Variants in SLF1 observed in about 807,000 individuals in gnomAD.
SLF1 encodes SMC5/6 complex localization factor 1.
In SLF1, 105 loss-of-function variants were observed where a neutral mutation model predicts 123.0. That is an observed-to-expected ratio of 0.85 (90% CI 0.73 to 1.00). The LOEUF (loss-of-function observed/expected upper bound fraction) is 1.00, where lower values mean the gene tolerates loss of function less well. SLF1 is among the 50% of genes least tolerant of loss of function. SLF1 has a pLI of 0.00. For synonymous variants in SLF1, 434 were observed against 406.6 expected, an observed-to-expected ratio of 1.07 and a Z score of -0.81; for missense variants, 1,239 against 1,223.0, an observed-to-expected ratio of 1.01 and a Z score of -0.20.
At position 94,695,138 on chromosome 5, in the gene SLF1, T is replaced by C. The variant is rs756417798; in HGVS notation, c.3003T>C (p.Ser1001=). ...MACKSHKETT[S]VHTDWLLDLY... ...GTAAAAGTCATAAAGAAACCACCAGTGTTCATACTGACTGGTTACTGGATC... is the reference window on the plus strand; with the variant it reads ...GTAAAAGTCATAAAGAAACCACCAGCGTTCATACTGACTGGTTACTGGATC... The change falls in exon 21 of 21, where the codon AGT becomes AGC. Residue 1001 remains serine, a synonymous_variant. Transcript: ENST00000265140. 23 of 1,612,686 alleles carry C rather than the reference T, an allele frequency of 1.4e-5. No individual in the cohort carries two copies. The highest frequency in any genetic ancestry group is 1.8e-5 in the Non-Finnish European group (21 of 1,179,128).
Position 94,696,695 on chromosome 5 carries a change from GTAAACTAAT to G in SLF1, c.*1384_*1392del, listed in dbSNP as rs1753531064. ...AGGTGTCTGGGATAGTGTTTGCTTG[GTAAACTAAT>G]ATAAACTTGTAAACATAGGCTTTGA... is the stretch of plus-strand genomic sequence containing the variant. On this transcript the variant is annotated 3_prime_UTR_variant, in exon 21 of 21. Transcript: ENST00000265140. 1 of 151,772 alleles carries G rather than the reference GTAAACTAAT, an allele frequency of 6.6e-6. No individual in the cohort carries two copies. The highest frequency in any genetic ancestry group is 6.6e-5 in the Admixed American group (1 of 15,190). 9.4% of individuals were successfully genotyped at this position (151,772 alleles called of 1,614,324 possible). A position where few individuals can be genotyped will look rare whatever the true frequency, so the allele number is the denominator to read the frequency against.
rs1428325357 is a variant in SLF1, at chr5:94,696,114, T to G, written c.*802T>G. 6.6e-6 allele frequency: 1 copy of G among 151,820 alleles called. No individual in the cohort carries two copies. The highest frequency in any genetic ancestry group is 1.5e-5 in the Non-Finnish European group (1 of 67,794). The allele number at this position is 151,820 out of a possible 1,614,324, so 9.4% of individuals were successfully genotyped here. On this transcript the variant is annotated 3_prime_UTR_variant, in exon 21 of 21. Coordinates refer to ENST00000265140, the MANE Select transcript of SLF1 (RefSeq NM_032290.4). Reference sequence around the variant, plus strand: ...ATCTTAATATATAGTATGAATTTACTGAGTAGTAATGTTTTAATTTGCAGT... The same window carrying G: ...ATCTTAATATATAGTATGAATTTACGGAGTAGTAATGTTTTAATTTGCAGT...
At position 94,643,266 on chromosome 5, in the gene SLF1, T is replaced by A. The variant is rs1189022975; in HGVS notation, c.432-7T>A. 1 of 1,512,226 alleles carries A rather than the reference T, an allele frequency of 6.6e-7. No homozygotes were observed. The highest frequency in any genetic ancestry group is 1.4e-5 in the African/African-American group (1 of 70,662). The allele number at this position is 1,512,226 out of a possible 1,614,324, so 93.7% of individuals were successfully genotyped here. A position where few individuals can be genotyped will look rare whatever the true frequency, so the allele number is the denominator to read the frequency against. On this transcript the variant is annotated splice_polypyrimidine_tract_variant and splice_region_variant and intron_variant, in intron 4 of 20. Transcript: ENST00000265140. The stretch of plus-strand genomic sequence containing the variant: ...AATACTTTTATACCATTTACATTTT[T>A]ATTTAGAGTTTTGGAGGCTGGAAAG...
At position 94,662,279 on chromosome 5, in the gene SLF1, T is replaced by C; in HGVS notation, c.1156-19T>C. ...CAATCTTAAAATGTTGTTTTAATTA[T>C]ATGGTTGCTCTTTTGTAGGCTGTCA... On this transcript the variant is annotated intron_variant, in intron 9 of 20. Transcript: ENST00000265140. The C allele has an allele frequency of 6.5e-7, 1 of 1,535,830 alleles. No homozygotes were observed. Among genetic ancestry groups the C allele is most frequent in the Non-Finnish European group, 8.8e-7 (1 of 1,137,872 alleles).
At chr5:94,649,642 T>C in intron 6 of SLF1, 45 bp downstream of exon 6, 2 of 1,372,272 alleles carry the variant, frequency 1.5e-6, no homozygotes, top group South Asian at 1.9e-5. Flanking sequence ...ATGTTTCTTA[T>C]AGAATTGTTT....
Position 94,695,424 on chromosome 5 carries a change from C to A in SLF1, c.*112C>A. The stretch of plus-strand genomic sequence containing the variant: ...GTAATTTGATTTATTTATTGACAGA[C>A]TTTGCAGCCTTGCTAAATTTTAAAA... On this transcript the variant is annotated 3_prime_UTR_variant, in exon 21 of 21. Transcript: ENST00000265140. 1 of 1,250,426 alleles carries A rather than the reference C, an allele frequency of 8.0e-7. No individual in the cohort carries two copies. The highest frequency in any genetic ancestry group is 1.0e-6 in the Non-Finnish European group (1 of 956,426). The allele number at this position is 1,250,426 out of a possible 1,614,324, so 77.5% of individuals were successfully genotyped here. A position where few individuals can be genotyped will look rare whatever the true frequency, so the allele number is the denominator to read the frequency against.
Position 94,694,824 on chromosome 5 carries a change from T to C in SLF1, c.2696-7T>C, listed in dbSNP as rs1459480263. ...TACTTGCAACATTTTGCATTTTCTT[T>C]TCACAGGCCCAGTGCTTTTACAACA... On this transcript the variant is annotated splice_polypyrimidine_tract_variant and splice_region_variant and intron_variant, in intron 20 of 20. Transcript: ENST00000265140. The C allele has an allele frequency of 6.5e-7, 1 of 1,536,180 alleles. No homozygotes were observed. Among genetic ancestry groups the C allele is most frequent in the Non-Finnish European group, 8.7e-7 (1 of 1,145,432 alleles).
intron 4 of SLF1, among the ~76,000 whole-genome samples, chr5:94,642,465 C>G (rs568061718): frequency 2.0e-5 from 3 of 152,262 alleles, no homozygotes; most frequent in African/African-American, 7.2e-5. Flanking sequence ...CTGTGTTGCT[C>G]CTTTGATCTG....
Position 94,697,273 on chromosome 5 carries a change from T to C in SLF1, c.*1961T>C, listed in dbSNP as rs1316717268. 2 of 151,856 alleles carry C rather than the reference T, an allele frequency of 1.3e-5. No homozygotes were observed. The highest frequency in any genetic ancestry group is 2.9e-5 in the Non-Finnish European group (2 of 67,892). The allele number at this position is 151,856 out of a possible 1,614,324, so 9.4% of individuals were successfully genotyped here. Reference sequence around the variant, plus strand: ...TGCCCTGGCTAACAATACCAGTATATGAGTATGAATCTAAATGTTCAGGAA... The same window carrying C: ...TGCCCTGGCTAACAATACCAGTATACGAGTATGAATCTAAATGTTCAGGAA... On this transcript the variant is annotated 3_prime_UTR_variant, in exon 21 of 21. Coordinates refer to ENST00000265140, the MANE Select transcript of SLF1 (RefSeq NM_032290.4).
intron 12 of SLF1, among the ~76,000 whole-genome samples, chr5:94,667,188 G>A (rs527979008): frequency 2.6e-5 from 4 of 152,160 alleles, no homozygotes; most frequent in East Asian, 1.9e-4. Context: ...GCCAGACACT[G>A]TACTACATTT....
At position 94,694,959 on chromosome 5, in the gene SLF1, C is replaced by G. The variant is rs766996213; in HGVS notation, c.2824C>G (p.Gln942Glu). ...IEDTVENFHA[Q>E]AEKHFHYQQL... ...AGATACAGTGGAGAACTTTCATGCA[C>G]AAGCAGAGAAACATTTTCATTACCA... The change falls in exon 21 of 21, where the codon CAA becomes GAA. Residue 942 changes from glutamine (Q) to glutamate (E), a missense_variant. By Grantham distance (29) the Gln-to-Glu change is conservative. Coordinates refer to ENST00000265140, the MANE Select transcript of SLF1 (RefSeq NM_032290.4). The G allele has an allele frequency of 2.5e-6, 4 of 1,612,518 alleles. No homozygotes were observed. The highest frequency in any genetic ancestry group is 3.4e-6 in the Non-Finnish European group (4 of 1,179,142).
intron 16 of SLF1, among the ~76,000 whole-genome samples, chr5:94,687,244 C>A (rs1752547454): frequency 6.6e-6 from 1 of 152,136 alleles, no homozygotes; most frequent in African/African-American, 2.4e-5. Context: ...GCCTGTAGTT[C>A]CAGCTACTCA....
chr5:94,692,109 A>G lies in SLF1; in HGVS notation c.2548A>G (p.Asn850Asp). 1.2e-6 allele frequency: 2 copies of G among 1,613,770 alleles called. No individual in the cohort carries two copies. The highest frequency in any genetic ancestry group is 1.1e-5 in the South Asian group (1 of 91,062). The change falls in exon 20 of 21, where the codon AAC becomes GAC. Residue 850 changes from asparagine (N) to aspartate (D), a missense_variant. By Grantham distance (23) the Asn-to-Asp change is conservative. Coordinates refer to ENST00000265140, the MANE Select transcript of SLF1 (RefSeq NM_032290.4). ...CTGGACGCCTTTGCATGAAGCCTGT[A>G]ACTATGGCAACACAGTGTGTGTCCA... ...AGWTPLHEAC[N>D]YGNTVCVQEI...
chr5:94,671,637 CTCTTT>C (rs150023155), intron 14 of SLF1, among the ~76,000 whole-genome samples: 3,104 of 149,978 alleles, frequency 0.021, 116 homozygotes, highest in African/African-American at 0.073. Context: ...ATTCATTTTG[CTCTTT>C]TCTTTTAATT....
Position 94,670,864 on chromosome 5 carries a change from T to C in SLF1, c.1683T>C (p.Ser561=). 1 of 1,549,784 alleles carries C rather than the reference T, an allele frequency of 6.5e-7. No homozygotes were observed. The highest frequency in any genetic ancestry group is 8.7e-7 in the Non-Finnish European group (1 of 1,145,720). The stretch of plus-strand genomic sequence containing the variant: ...TTAGGTTGTATGACTGGTCAGATTC[T>C]CAGAATCTGAAAATAACAGGAAAGG... ...LSQKLYDWSD[S]QNLKITGKAM... Residue 561 remains serine (S), a synonymous_variant, in exon 14 of 21, where the codon TCT becomes TCC. Coordinates refer to ENST00000265140, the MANE Select transcript of SLF1 (RefSeq NM_032290.4).
intron 1 of SLF1, among the ~76,000 whole-genome samples, chr5:94,623,682 A>G (rs573469758): frequency 6.6e-6 from 1 of 152,216 alleles, no homozygotes; most frequent in Non-Finnish European, 1.5e-5. Context: ...TACCTCAGAC[A>G]TATCACTTAC....
chr5:94,652,457 A>G (rs1205938109), intron 7 of SLF1, among the ~76,000 whole-genome samples: 1 of 152,188 alleles, frequency 6.6e-6, no homozygotes, highest in Admixed American at 6.5e-5. Context: ...AGCTTTGTCT[A>G]TTCATGAACA....
intron 5 of SLF1, among the ~76,000 whole-genome samples, chr5:94,644,107 G>A (rs1231541436): frequency 1.3e-5 from 2 of 152,020 alleles, no homozygotes; most frequent in African/African-American, 4.8e-5. Context: ...TATCTCAAAT[G>A]TTTCTTAAAT....
rs1034469421 is a variant in SLF1, at chr5:94,648,323, A to G, written c.595-1131A>G. ...TGTGGTTTCAGGATTGCAGCCTGCT[A>G]AAAGGAACGGCCCTCATTTTAACAT... On this transcript the variant is annotated intron_variant, in intron 5 of 20. Coordinates refer to ENST00000265140, the MANE Select transcript of SLF1 (RefSeq NM_032290.4). Among the ~76,000 whole-genome samples, 17 of 152,194 alleles carry G rather than the reference A, an allele frequency of 1.1e-4. 1 individual carries two copies. Among genetic ancestry groups the G allele is most frequent in the African/African-American group, 3.9e-4 (16 of 41,450 alleles).
Sources: gnomAD v4.1 joint callset for allele counts (sites outside exome capture counted in the v4.1 genomes callset) on GRCh38, gnomAD v4.1.1 for gene constraint, MANE v1.5 for transcripts, NCBI Gene and HGNC (gene_info 2026-07-23, HGNC 2026-07-21) for gene names.